TAB2: variants seen among roughly 807,000 people sequenced by gnomAD.
The protein encoded by TAB2 is TGF-beta activated kinase 1 (MAP3K7) binding protein 2.
A neutral mutation model predicts 65.0 loss-of-function variants in TAB2; 3 were observed. The observed-to-expected ratio is 0.05, with a 90% CI of 0.02 to 0.12. The LOEUF is 0.12. Ranked by LOEUF, TAB2 falls within the 10% of genes least tolerant of loss-of-function variation. The probability of loss-of-function intolerance (pLI) is 1.00; values close to 1 mark genes in which losing one functional copy is unlikely to be tolerated. For synonymous variants in TAB2, 298 were observed against 285.1 expected, an observed-to-expected ratio of 1.05 and a Z score of -0.46; for missense variants, 623 against 840.3, an observed-to-expected ratio of 0.74 and a Z score of 3.20.
intron 1 of TAB2, among the ~76,000 whole-genome samples, chr6:149,349,482 G>A (rs1445871904): frequency 6.6e-6 from 1 of 151,756 alleles, no homozygotes; most frequent in African/African-American, 2.4e-5. Flanking sequence ...GTGACTGGGT[G>A]TGATTAATGA....
intron 3 of TAB2, among the ~76,000 whole-genome samples, chr6:149,394,667 CCA>C (rs1303332168): frequency 2.0e-5 from 3 of 152,142 alleles, no homozygotes; most frequent in African/African-American, 4.8e-5. Flanking sequence ...CTTCAGTGCA[CCA>C]CAGTCTTCAG....
intron 1 of TAB2, among the ~76,000 whole-genome samples, chr6:149,308,569 C>A (rs1255140193): frequency 5.3e-5 from 8 of 151,062 alleles, no homozygotes; most frequent in Admixed American, 5.3e-4. Context: ...ACTCTGTCAC[C>A]CAGGCTGGAG....
intron 1 of TAB2, among the ~76,000 whole-genome samples, chr6:149,306,418 C>G (rs530462737): frequency 6.6e-6 from 1 of 151,862 alleles, no homozygotes; most frequent in African/African-American, 2.4e-5. Flanking sequence ...GGTGTGGTGG[C>G]GGGCACCTGT....
upstream of TAB2, among the ~76,000 whole-genome samples, chr6:149,313,748 C>T (rs1477167985): frequency 6.6e-6 from 1 of 152,214 alleles, no homozygotes; most frequent in Non-Finnish European, 1.5e-5. Flanking sequence ...CTCCCTGACA[C>T]TTGTTCCACC....
At chr6:149,241,922 C>T (rs1405553492) in intron 1 of TAB2, among the ~76,000 whole-genome samples, 2 of 152,184 alleles carry the variant, frequency 1.3e-5, no homozygotes, top group East Asian at 1.9e-4. Context: ...TCTGCTGCCC[C>T]GTAAGGCTGC....
At chr6:149,288,507 C>T (rs1179790739) in intron 1 of TAB2, among the ~76,000 whole-genome samples, 1 of 152,226 alleles carries the variant, frequency 6.6e-6, no homozygotes, top group East Asian at 1.9e-4. Context: ...GGCACTGCCA[C>T]AACATCAGGA....
chr6:149,275,720 A>T (rs777595060), intron 1 of TAB2, among the ~76,000 whole-genome samples: 17 of 152,212 alleles, frequency 1.1e-4, no homozygotes, highest in Non-Finnish European at 1.9e-4. Context: ...GTGATAAGTC[A>T]TGTTGATGGT....
chr6:149,301,596 C>G (rs1778974195), intron 1 of TAB2, among the ~76,000 whole-genome samples: 1 of 152,140 alleles, frequency 6.6e-6, no homozygotes, highest in Non-Finnish European at 1.5e-5. Flanking sequence ...TCAATGAATA[C>G]CAGTTCACAT....
At chr6:149,315,399 T>C (rs1056007954), upstream of TAB2, among the ~76,000 whole-genome samples, 5 of 152,242 alleles carry the variant, frequency 3.3e-5, no homozygotes, top group East Asian at 5.8e-4. Flanking sequence ...TGTGTATATG[T>C]ATGTATTTTA....
intron 1 of TAB2, among the ~76,000 whole-genome samples, chr6:149,249,153 TACACACACACACACACGCAC>T (rs1562387444): frequency 8.9e-6 from 1 of 112,648 alleles, no homozygotes; most frequent in African/African-American, 3.1e-5. Context: ...CACACACACA[TACACACACACACACACGCAC>T]ACACACACAC....
chr6:149,326,012 G>T (rs550219709), intron 1 of TAB2, among the ~76,000 whole-genome samples: 4 of 152,278 alleles, frequency 2.6e-5, no homozygotes, highest in African/African-American at 9.6e-5. Context: ...TAAGTGTTGG[G>T]ATTATAGGTG....
At chr6:149,262,424 T>C (rs1778173861) in intron 1 of TAB2, among the ~76,000 whole-genome samples, 1 of 151,986 alleles carries the variant, frequency 6.6e-6, no homozygotes, top group Non-Finnish European at 1.5e-5. Flanking sequence ...TCCCAGCTAC[T>C]TGGGAGGCTG....
At chr6:149,220,162 C>T (rs1777110587) in intron 1 of TAB2, among the ~76,000 whole-genome samples, 1 of 152,138 alleles carries the variant, frequency 6.6e-6, no homozygotes, top group African/African-American at 2.4e-5. Context: ...TGTATTCAAT[C>T]TGTTACGCTG....
Position 149,378,409 on chromosome 6 carries a change from C to G in TAB2, c.494C>G (p.Ser165Cys). The part of the protein sequence containing the change: ...LGFHLGSKGT[S>C]SLSQQTPRFN... The stretch of plus-strand genomic sequence containing the variant: ...TTTCACTTAGGCAGCAAAGGAACAT[C>G]TAGCCTTTCTCAACAAACTCCCAGA... The change falls in exon 3 of 7, where the codon TCT (serine) becomes TGT (cysteine). Residue 165 changes from serine to cysteine, a missense_variant. Ser to Cys is a moderately radical substitution (Grantham distance 112). Coordinates refer to ENST00000637181, the MANE Select transcript of TAB2 (RefSeq NM_001292034.3). 1 of 1,614,208 alleles carries G rather than the reference C, an allele frequency of 6.2e-7. No homozygotes were observed. The highest frequency in any genetic ancestry group is 8.5e-7 in the Non-Finnish European group (1 of 1,180,050).
At chr6:149,328,511 C>A (rs577999555) in intron 1 of TAB2, among the ~76,000 whole-genome samples, 8 of 152,302 alleles carry the variant, frequency 5.3e-5, no homozygotes, top group African/African-American at 1.7e-4. Flanking sequence ...CCAGGATGGT[C>A]TCAATCTCCT....
intron 1 of TAB2, among the ~76,000 whole-genome samples, chr6:149,231,873 A>G (rs948344920): frequency 1.3e-5 from 2 of 152,204 alleles, no homozygotes; most frequent in African/African-American, 4.8e-5. Context: ...GAAGCAAAAA[A>G]GAGAGGAGTG....
chr6:149,233,902 C>T (rs1777449776), intron 1 of TAB2, among the ~76,000 whole-genome samples: 1 of 152,188 alleles, frequency 6.6e-6, no homozygotes, highest in African/African-American at 2.4e-5. Context: ...GCCCTCCAAC[C>T]CTCCCCAAAT....
At chr6:149,391,792 A>G (rs940856219) in intron 3 of TAB2, among the ~76,000 whole-genome samples, 1 of 151,896 alleles carries the variant, frequency 6.6e-6, no homozygotes, top group African/African-American at 2.4e-5. Flanking sequence ...TCTCCCTCCT[A>G]GGCCTCCGAA....
chr6:149,379,726 A>G (rs533681336), intron 3 of TAB2, among the ~76,000 whole-genome samples: 3 of 152,160 alleles, frequency 2.0e-5, no homozygotes, highest in African/African-American at 7.2e-5. Context: ...AGTTTGAGTA[A>G]TTGGGTTATC....
Sources: allele counts gnomAD v4.1 joint callset (sites outside exome capture counted in the v4.1 genomes callset), GRCh38; gene constraint gnomAD v4.1.1; transcripts MANE v1.5; gene names NCBI Gene and HGNC (gene_info 2026-07-23, HGNC 2026-07-21).